The following SETBP1 variants were observed in gnomAD, a reference collection of about 807,000 sequenced individuals.
The protein encoded by SETBP1 is SET-binding protein.
In SETBP1, 9 loss-of-function variants were observed where a neutral mutation model predicts 101.0. That is an observed-to-expected ratio of 0.09 (90% CI 0.05 to 0.16). The LOEUF (loss-of-function observed/expected upper bound fraction) is 0.16. SETBP1 is among the 10% of genes least tolerant of loss of function. The probability of loss-of-function intolerance (pLI) is 1.00; values close to 1 mark genes in which losing one functional copy is unlikely to be tolerated. For missense variants in SETBP1, 1,858 were observed against 2,033.8 expected (o/e 0.91, Z 1.66); for synonymous variants, 818 against 788.5 (o/e 1.04, Z -0.63).
chr18:44,804,917 T>G (rs2071696055), intron 2 of SETBP1, among the ~76,000 whole-genome samples: 1 of 152,136 alleles, frequency 6.6e-6, no homozygotes, highest in Non-Finnish European at 1.5e-5. Flanking sequence ...CCAGGCCATG[T>G]CACCTATCAG....
chr18:45,031,928 A>G (rs1236687074), intron 4 of SETBP1, among the ~76,000 whole-genome samples: 1 of 152,180 alleles, frequency 6.6e-6, no homozygotes, highest in Non-Finnish European at 1.5e-5. Flanking sequence ...GGCATAGCTC[A>G]GTATTTGTTT....
chr18:45,045,961 T>C (rs537781276), intron 5 of SETBP1, among the ~76,000 whole-genome samples: 2 of 152,188 alleles, frequency 1.3e-5, no homozygotes, highest in Admixed American at 1.3e-4. Context: ...TCTTCAAGCC[T>C]CAGCATAGGT....
At chr18:44,693,553 A>G (rs951480447) in intron 1 of SETBP1, among the ~76,000 whole-genome samples, 1 of 152,188 alleles carries the variant, frequency 6.6e-6, no homozygotes, top group East Asian at 1.9e-4. Context: ...TTCCAGGTGC[A>G]TGCAAAGTCC....
In SETBP1 at chr18:44,686,612, G is replaced by T. The variant is rs536458450; in HGVS notation, c.-173+5591G>T. 3.3e-5 allele frequency among the ~76,000 whole-genome samples: 5 copies of T among 152,314 alleles called. No individual in the cohort carries two copies. The South Asian group carries it at 8.3e-4, about 25-fold the overall frequency. ...CCACACAGCCCTGAACCTTATTTAT[G>T]AATGATTTTTTGTTTCCTGAATGAA... is the stretch of plus-strand genomic sequence containing the variant. On this transcript the variant is annotated intron_variant, in intron 1 of 5. Transcript: ENST00000649279.
intron 3 of SETBP1, among the ~76,000 whole-genome samples, chr18:44,872,531 C>T (rs1329360088): frequency 6.6e-6 from 1 of 152,194 alleles, no homozygotes; most frequent in Non-Finnish European, 1.5e-5. Flanking sequence ...ATTTACTACC[C>T]CCTCTTGCTG....
chr18:44,992,152 A>G (rs1174510176), intron 4 of SETBP1, among the ~76,000 whole-genome samples: 3 of 152,146 alleles, frequency 2.0e-5, no homozygotes, highest in African/African-American at 7.2e-5. Flanking sequence ...TTAGGAAATA[A>G]GAAAGGCTAA....
At chr18:44,815,319 T>A (rs2071951233) in intron 2 of SETBP1, among the ~76,000 whole-genome samples, 1 of 152,240 alleles carries the variant, frequency 6.6e-6, no homozygotes, top group South Asian at 2.1e-4. Flanking sequence ...GACTTTGAGA[T>A]GTGAATTATC....
chr18:44,826,342 A>G (rs1164836153), intron 2 of SETBP1, among the ~76,000 whole-genome samples: 1 of 151,862 alleles, frequency 6.6e-6, no homozygotes, highest in Non-Finnish European at 1.5e-5. Flanking sequence ...ACAAAAGCTC[A>G]TTGCATTCAG....
intron 4 of SETBP1, among the ~76,000 whole-genome samples, chr18:45,006,892 T>C (rs2072740861): frequency 6.6e-6 from 1 of 152,202 alleles, no homozygotes; most frequent in African/African-American, 2.4e-5. Context: ...CCAAGTGAAC[T>C]CTACAGCACA....
chr18:44,892,120 G>A (rs569128764), intron 3 of SETBP1, among the ~76,000 whole-genome samples: 6 of 152,302 alleles, frequency 3.9e-5, no homozygotes, highest in African/African-American at 1.4e-4. Context: ...TTTTGGGCAT[G>A]AGAGGAGGAG....
chr18:44,972,919 T>G (rs975480689), intron 4 of SETBP1, among the ~76,000 whole-genome samples: 2 of 152,178 alleles, frequency 1.3e-5, no homozygotes, highest in African/African-American at 4.8e-5. Flanking sequence ...CTGTGTTGAA[T>G]AGGAGTGGTG....
chr18:44,768,917 T>C (rs913161480), intron 2 of SETBP1, among the ~76,000 whole-genome samples: 5 of 152,230 alleles, frequency 3.3e-5, no homozygotes, highest in Non-Finnish European at 4.4e-5. Context: ...ATAGACTCTT[T>C]TGTCTCTGCA....
chr18:44,948,336 G>A (rs1164737485), intron 3 of SETBP1, among the ~76,000 whole-genome samples: 1 of 152,186 alleles, frequency 6.6e-6, no homozygotes, highest in East Asian at 1.9e-4. Flanking sequence ...AAACTAGTGT[G>A]AAGGAAATCC....
At chr18:44,956,660 G>C (rs1291126248) in intron 4 of SETBP1, among the ~76,000 whole-genome samples, 1 of 152,156 alleles carries the variant, frequency 6.6e-6, no homozygotes, top group Non-Finnish European at 1.5e-5. Context: ...TGTTGAGGAT[G>C]AGAATTAGAA....
intron 2 of SETBP1, among the ~76,000 whole-genome samples, chr18:44,764,051 A>G (rs2070713841): frequency 6.6e-6 from 1 of 152,234 alleles, no homozygotes; most frequent in Non-Finnish European, 1.5e-5. Context: ...AGCTAGAGTA[A>G]TCATTTAAAC....
chr18:44,851,835 C>G (rs2072873647), intron 2 of SETBP1, among the ~76,000 whole-genome samples: 1 of 152,140 alleles, frequency 6.6e-6, no homozygotes, highest in African/African-American at 2.4e-5. Context: ...GGCCATGGGC[C>G]TCTCTGGGGA....
chr18:44,811,759 G>A (rs1158973477), intron 2 of SETBP1, among the ~76,000 whole-genome samples: 1 of 152,208 alleles, frequency 6.6e-6, no homozygotes, highest in African/African-American at 2.4e-5. Context: ...ATGTCCCTGT[G>A]AGGACTACAA....
chr18:44,728,362 A>G (rs2069760968), intron 2 of SETBP1, among the ~76,000 whole-genome samples: 3 of 152,148 alleles, frequency 2.0e-5, no homozygotes, highest in Non-Finnish European at 1.5e-5. Context: ...TTTGCAATCT[A>G]TTAAAAACTA....
rs1224731205 is a variant in SETBP1, at chr18:44,952,515, C to T, written c.3175C>T (p.Pro1059Ser). The T allele has an allele frequency of 6.2e-7, 1 of 1,613,872 alleles. No homozygotes were observed. Among genetic ancestry groups the T allele is most frequent in the African/African-American group, 1.3e-5 (1 of 74,884 alleles). ...APYGMPYTSM[P>S]MMNLGYYGQY... ...CTATGGAATGCCTTACACATCAATG[C>T]CTATGATGAACCTTGGTTATTACGG... The change falls in exon 4 of 6, where the codon CCT (proline) becomes TCT (serine). Residue 1059 changes from proline (P) to serine (S), a missense_variant. Physicochemically the swap from Pro to Ser is moderately conservative, Grantham distance 74. Transcript: ENST00000649279.
Sources: allele counts gnomAD v4.1 joint callset (sites outside exome capture counted in the v4.1 genomes callset), GRCh38; gene constraint gnomAD v4.1.1; transcripts MANE v1.5; gene names NCBI Gene and HGNC (gene_info 2026-07-23, HGNC 2026-07-21).